INPP4B: variants seen among roughly 807,000 people sequenced by gnomAD.
INPP4B encodes the protein inositol polyphosphate-4-phosphatase type II B, also known as inositol polyphosphate 4-phosphatase type II.
Under a neutral mutation model 122.5 loss-of-function variants are expected in INPP4B, and 55 were observed. The ratio of observed to expected loss-of-function variants is 0.45; its 90% confidence interval spans 0.36 to 0.56. The LOEUF is 0.56. Among genes scored for constraint, INPP4B ranks in the 20% least tolerant of loss-of-function variants. The pLI, the probability that INPP4B is intolerant of heterozygous loss-of-function variation, is 0.00. For missense variants in INPP4B, 1,000 were observed against 1,097.7 expected (o/e 0.91, Z 1.26); for synonymous variants, 403 against 388.7 (o/e 1.04, Z -0.43).
intron 9 of INPP4B, among the ~76,000 whole-genome samples, chr4:142,296,007 G>A (rs1263616145): frequency 6.6e-6 from 1 of 152,112 alleles, no homozygotes. Context: ...TATCTTCAAA[G>A]CTAAATTAGC....
intron 2 of INPP4B, among the ~76,000 whole-genome samples, chr4:142,466,302 T>A (rs375242393): frequency 6.6e-4 from 101 of 152,262 alleles, no homozygotes; most frequent in African/African-American, 2.4e-3. Flanking sequence ...TTATTGGGAA[T>A]CAGAATAAAA....
intron 2 of INPP4B, among the ~76,000 whole-genome samples, chr4:142,562,761 C>T (rs1730748704): frequency 6.6e-6 from 1 of 151,888 alleles, no homozygotes; most frequent in Non-Finnish European, 1.5e-5. Flanking sequence ...AATAAAGTCC[C>T]TAGGGTAGAA....
chr4:142,121,324 A>G (rs1371288928), intron 21 of INPP4B, among the ~76,000 whole-genome samples: 1 of 152,062 alleles, frequency 6.6e-6, no homozygotes, highest in Non-Finnish European at 1.5e-5. Context: ...TACTATCAAC[A>G]GGAAAACAAG....
chr4:142,164,615 A>C (rs1167485585), intron 16 of INPP4B, among the ~76,000 whole-genome samples: 1 of 151,826 alleles, frequency 6.6e-6, no homozygotes, highest in African/African-American at 2.4e-5. Context: ...TGCCCTTGGA[A>C]AAACCACATA....
rs1579891048 is a variant in INPP4B at position 142,376,674 on chromosome 4, A to AAATCATACCC, written c.372+26263_372+26264insGGGTATGATT. Among the ~76,000 whole-genome samples, 3 of 152,152 alleles carry AAATCATACCC rather than the reference A, an allele frequency of 2.0e-5. No homozygotes were observed. In the East Asian group the frequency reaches 5.8e-4, roughly 29 times the overall value. On this transcript the variant is annotated intron_variant, in intron 7 of 25. Coordinates refer to ENST00000262992, the MANE Select transcript of INPP4B (RefSeq NM_001101669.3). ...TTATCATCAGCAATGAGCTAAGTGGAAATCATCACCCAACTCAAATTATTA... is the reference window on the plus strand; with the variant it reads ...TTATCATCAGCAATGAGCTAAGTGGAAATCATACCCAATCATCACCCAACTCAAATTATTA...
At chr4:142,186,755 CATTACAAATTCACTT>C (rs1013101766) in intron 15 of INPP4B, among the ~76,000 whole-genome samples, 11 of 152,114 alleles carry the variant, frequency 7.2e-5, no homozygotes, top group African/African-American at 2.4e-4. Flanking sequence ...GGAAAAACTG[CATTACAAATTCACTT>C]ATTACAAATT....
At chr4:142,160,689 G>A in intron 16 of INPP4B, 128 bp from the exon 17 acceptor site, 1 of 584,112 alleles carries the variant, frequency 1.7e-6, no homozygotes, top group Non-Finnish European at 2.9e-6. Flanking sequence ...AGACGCCAAG[G>A]AGAGAAAATG....
intron 2 of INPP4B, among the ~76,000 whole-genome samples, chr4:142,580,348 C>T (rs1580418741): frequency 6.6e-6 from 1 of 152,064 alleles, no homozygotes. Context: ...TCACATTGTG[C>T]TCAGCAAATA....
intron 25 of INPP4B, among the ~76,000 whole-genome samples, chr4:142,068,798 T>A (rs907393259): frequency 1.3e-5 from 2 of 152,164 alleles, no homozygotes; most frequent in Non-Finnish European, 2.9e-5. Flanking sequence ...TAAATATATA[T>A]GCACCCAATA....
intron 6 of INPP4B, 102 bp downstream of exon 6, chr4:142,405,104 A>C (rs1464505990): frequency 1.5e-5 from 8 of 531,474 alleles, no homozygotes; most frequent in Non-Finnish European, 2.6e-5. Flanking sequence ...TCAAATCCAG[A>C]GATGGGGCGG....
intron 16 of INPP4B, among the ~76,000 whole-genome samples, chr4:142,168,259 T>C (rs563035366): frequency 4.0e-5 from 6 of 151,702 alleles, no homozygotes; most frequent in Non-Finnish European, 5.9e-5. Context: ...TCTGCCAATA[T>C]TTTTATGCTT....
At chr4:142,772,714 A>G (rs12509521) in intron 1 of INPP4B, among the ~76,000 whole-genome samples, 5,164 of 152,276 alleles carry the variant, frequency 0.034, 100 homozygotes, top group Middle Eastern at 0.11. Flanking sequence ...TGGGTAATGT[A>G]TGAAGGAAAA....
chr4:142,191,534 G>A (rs956128798), intron 15 of INPP4B, among the ~76,000 whole-genome samples: 2 of 152,090 alleles, frequency 1.3e-5, no homozygotes, highest in African/African-American at 2.4e-5. Context: ...TCCCCCATGG[G>A]GCCTATGGTT....
intron 17 of INPP4B, 137 bp from the exon 18 acceptor site, chr4:142,146,133 A>T: frequency 1.1e-6 from 1 of 929,388 alleles, no homozygotes; most frequent in Non-Finnish European, 1.6e-6. Context: ...ATTCCCATTA[A>T]TTTGGTCAGA....
chr4:142,381,922 TA>T (rs533579500), intron 7 of INPP4B, among the ~76,000 whole-genome samples: 4 of 152,090 alleles, frequency 2.6e-5, no homozygotes, highest in Non-Finnish European at 5.9e-5. Flanking sequence ...TTAAAAAAAC[TA>T]TGCAAATTTG....
intron 2 of INPP4B, among the ~76,000 whole-genome samples, chr4:142,519,750 C>A (rs1825849572): frequency 6.6e-6 from 1 of 152,040 alleles, no homozygotes; most frequent in Non-Finnish European, 1.5e-5. Flanking sequence ...CTTTGTCTTA[C>A]ATAAAATTAA....
chr4:142,692,114 A>G (rs1277393625), intron 2 of INPP4B, among the ~76,000 whole-genome samples: 1 of 152,108 alleles, frequency 6.6e-6, no homozygotes, highest in Non-Finnish European at 1.5e-5. Flanking sequence ...TTAGGTTATC[A>G]TGAAGGAGCC....
intron 18 of INPP4B, among the ~76,000 whole-genome samples, chr4:142,132,465 T>G (rs1423078375): frequency 6.6e-6 from 1 of 152,200 alleles, no homozygotes; most frequent in Non-Finnish European, 1.5e-5. Flanking sequence ...CAATATTTTT[T>G]TTTACCACAT....
At chr4:142,459,300 A>C (rs1816221946) in intron 3 of INPP4B, among the ~76,000 whole-genome samples, 1 of 152,134 alleles carries the variant, frequency 6.6e-6, no homozygotes, top group Non-Finnish European at 1.5e-5. Flanking sequence ...AAAAAAAAAA[A>C]AAAAACAAAG....
Sources: gnomAD v4.1 joint callset for allele counts (sites outside exome capture counted in the v4.1 genomes callset) on GRCh38, gnomAD v4.1.1 for gene constraint, MANE v1.5 for transcripts, NCBI Gene and HGNC (gene_info 2026-07-23, HGNC 2026-07-21) for gene names.